COL21A1: variants seen among roughly 807,000 people sequenced by gnomAD.
COL21A1 encodes collagen type XXI alpha 1 chain.
In COL21A1, 149 loss-of-function variants were observed where a neutral mutation model predicts 137.9. That is an observed-to-expected ratio of 1.08 (90% CI 0.95 to 1.24). The LOEUF (loss-of-function observed/expected upper bound fraction) is 1.24, where lower values mean the gene tolerates loss of function less well. COL21A1 is among the 50% of genes most tolerant of loss of function. The pLI is 0.00. For missense variants in COL21A1, 1,167 were observed against 1,158.4 expected, an observed-to-expected ratio of 1.01 and a Z score of -0.11; for synonymous variants, 456 against 391.5, an observed-to-expected ratio of 1.16 and a Z score of -1.95.
intron 16 of COL21A1, 45 bp from the exon 17 acceptor site, chr6:56,101,570 GT>G: frequency 7.3e-7 from 1 of 1,363,568 alleles, no homozygotes; most frequent in Non-Finnish European, 1.0e-6. Context: ...CAGTTTTGAG[GT>G]CTGCTTACCA....
At chr6:56,224,137 C>T (rs1259308719) in intron 1 of COL21A1, among the ~76,000 whole-genome samples, 1 of 152,120 alleles carries the variant, frequency 6.6e-6, no homozygotes, top group African/African-American at 2.4e-5. Context: ...ACCCACTATG[C>T]ACATAGCATC....
At chr6:56,098,718 A>T (rs1229261051) in intron 17 of COL21A1, among the ~76,000 whole-genome samples, 5 of 91,172 alleles carry the variant, frequency 5.5e-5, no homozygotes, top group South Asian at 3.0e-4. Context: ...AATATATATA[A>T]ATATATATAT....
chr6:56,305,412 G>T (rs6459147), intron 1 of COL21A1, among the ~76,000 whole-genome samples: 114,759 of 151,932 alleles, frequency 0.76, 45,334 homozygotes, highest in South Asian at 0.89. Flanking sequence ...TGAATCTGGG[G>T]GCTCCTGTAT....
intron 1 of COL21A1, among the ~76,000 whole-genome samples, chr6:56,389,475 C>T (rs948008524): frequency 6.0e-5 from 9 of 150,140 alleles, no homozygotes; most frequent in Non-Finnish European, 1.2e-4. Context: ...GAGTTACTGG[C>T]CTTAAAGAGG....
In COL21A1 at chr6:56,170,778, T is replaced by C. The variant is rs34610926; in HGVS notation, c.897A>G (p.Arg299=). 1,113 of 1,608,596 alleles carry C rather than the reference T, an allele frequency of 6.9e-4. 10 individuals are homozygous for C. The African/African-American group carries it at 0.013, about 19-fold the overall frequency. The stretch of plus-strand genomic sequence containing the variant: ...GTGGCCTTCCATCAATAGTTAATAT[T>C]CTCCATAAATCCCAAATTTTCTTGA... The part of the protein sequence containing the change: ...FKVKKIWDLW[R]ILTIDGRPQI... Residue 299 remains arginine, a synonymous_variant, in exon 5 of 30, where the codon AGA becomes AGG. Transcript: ENST00000244728.
intron 1 of COL21A1, among the ~76,000 whole-genome samples, chr6:56,373,027 G>A (rs2093992797): frequency 1.3e-5 from 2 of 151,102 alleles, no homozygotes; most frequent in Non-Finnish European, 3.0e-5. Flanking sequence ...AAAAAAAAAA[G>A]AAACTTTGAG....
chr6:56,303,631 G>A (rs1764358081), intron 1 of COL21A1, among the ~76,000 whole-genome samples: 1 of 152,124 alleles, frequency 6.6e-6, no homozygotes. Flanking sequence ...GAGATTTGGG[G>A]CTGAGACCAC....
intron 20 of COL21A1, among the ~76,000 whole-genome samples, chr6:56,073,854 C>CA (rs1191830975): frequency 2.0e-5 from 3 of 150,924 alleles, no homozygotes; most frequent in Non-Finnish European, 3.0e-5. Flanking sequence ...ATAAAAATAC[C>CA]AAAAAGAAGA....
chr6:56,384,027 C>T (rs1040939020), intron 1 of COL21A1, among the ~76,000 whole-genome samples: 2 of 152,112 alleles, frequency 1.3e-5, no homozygotes, highest in African/African-American at 2.4e-5. Flanking sequence ...CAATTCTTAG[C>T]CCCCTTCGCA....
chr6:56,120,739 A>G (rs1376179610), intron 16 of COL21A1, among the ~76,000 whole-genome samples: 1 of 151,652 alleles, frequency 6.6e-6, no homozygotes, highest in African/African-American at 2.4e-5. Context: ...GGTTGCAGTG[A>G]GCTGAGATCA....
At chr6:56,381,010 A>G (rs1205350140) in intron 1 of COL21A1, among the ~76,000 whole-genome samples, 1 of 152,220 alleles carries the variant, frequency 6.6e-6, no homozygotes, top group Non-Finnish European at 1.5e-5. Context: ...AAAGGCTCTC[A>G]CAGGGAACTA....
At chr6:56,245,088 G>A (rs1265393707) in intron 1 of COL21A1, among the ~76,000 whole-genome samples, 3 of 152,156 alleles carry the variant, frequency 2.0e-5, no homozygotes, top group African/African-American at 7.2e-5. Context: ...AAATCATGAT[G>A]TAACTGGATA....
At chr6:56,387,926 C>G (rs752772968) in intron 1 of COL21A1, among the ~76,000 whole-genome samples, 3 of 152,156 alleles carry the variant, frequency 2.0e-5, no homozygotes, top group Non-Finnish European at 4.4e-5. Context: ...TGACCCAGTG[C>G]AATACCAGCT....
At chr6:56,372,207 C>T (rs1321139537) in intron 1 of COL21A1, among the ~76,000 whole-genome samples, 3 of 152,156 alleles carry the variant, frequency 2.0e-5, no homozygotes, top group East Asian at 1.9e-4. Context: ...ATCTTAGAGA[C>T]AGTCAAAGCA....
chr6:56,117,067 TAAC>T (rs1238697213), intron 16 of COL21A1, among the ~76,000 whole-genome samples: 1 of 151,596 alleles, frequency 6.6e-6, no homozygotes, highest in Non-Finnish European at 1.5e-5. Flanking sequence ...AGAAAACAAA[TAAC>T]AACATAACAG....
At chr6:56,135,114 A>G (rs1450662122) in intron 12 of COL21A1, among the ~76,000 whole-genome samples, 1 of 152,182 alleles carries the variant, frequency 6.6e-6, no homozygotes, top group Non-Finnish European at 1.5e-5. Flanking sequence ...ATATACAAAG[A>G]TAGGAGAAAA....
chr6:56,155,118 G>A (rs932525390), intron 10 of COL21A1, among the ~76,000 whole-genome samples: 5 of 151,936 alleles, frequency 3.3e-5, no homozygotes, highest in Admixed American at 1.3e-4. Flanking sequence ...TCCTCTATGC[G>A]TCCATATGTT....
intron 1 of COL21A1, among the ~76,000 whole-genome samples, chr6:56,207,597 G>T (rs964603549): frequency 1.3e-5 from 2 of 152,008 alleles, no homozygotes; most frequent in African/African-American, 4.8e-5. Context: ...GCCGAATTCT[G>T]CCAGAAGTAC....
intron 16 of COL21A1, among the ~76,000 whole-genome samples, chr6:56,104,029 T>A (rs904401529): frequency 2.4e-4 from 36 of 152,216 alleles, no homozygotes; most frequent in African/African-American, 8.2e-4. Context: ...TAACATTATA[T>A]AGCTTTTCAC....
Sources: gnomAD v4.1 joint callset for allele counts (sites outside exome capture counted in the v4.1 genomes callset) on GRCh38, gnomAD v4.1.1 for gene constraint, MANE v1.5 for transcripts, NCBI Gene and HGNC (gene_info 2026-07-23, HGNC 2026-07-21) for gene names.